The following NCOR2 variants were observed in gnomAD, a reference collection of about 807,000 sequenced individuals.
The protein encoded by NCOR2 is CTG repeat protein 26.
A neutral mutation model predicts 262.9 loss-of-function variants in NCOR2; 81 were observed. That is an observed-to-expected ratio of 0.31 (90% CI 0.26 to 0.37). The LOEUF (loss-of-function observed/expected upper bound fraction) is 0.37. Among genes scored for constraint, NCOR2 ranks in the 10% least tolerant of loss-of-function variants. The probability of loss-of-function intolerance (pLI) is 1.00; values close to 1 mark genes in which losing one functional copy is unlikely to be tolerated. For synonymous variants in NCOR2, 1,659 were observed against 1,559.3 expected (o/e 1.06, Z -1.51); for missense variants, 3,385 against 3,621.4 (o/e 0.93, Z 1.68).
At chr12:124,388,977 T>C (rs1260066261) in intron 16 of NCOR2, 1 of 544,878 alleles carries the variant, frequency 1.8e-6, no homozygotes, top group Non-Finnish European at 2.3e-6. Context: ...TCCGCCTGCC[T>C]GTGGTGGCCC....
chr12:124,461,838 GCA>G (rs886188990), intron 5 of NCOR2, among the ~76,000 whole-genome samples: 2 of 152,200 alleles, frequency 1.3e-5, no homozygotes, highest in African/African-American at 4.8e-5. Context: ...TCACGCATGT[GCA>G]CACAGCACCC....
At chr12:124,344,398 C>T (rs1013927366) in intron 32 of NCOR2, among the ~76,000 whole-genome samples, 199 bp downstream of exon 34, 4 of 152,106 alleles carry the variant, frequency 2.6e-5, no homozygotes, top group Non-Finnish European at 5.9e-5. Context: ...TGAGACACCA[C>T]GGTGGTCTGG....
At position 124,344,560 on chromosome 12, in the gene NCOR2, C is replaced by T. The variant is rs371581969; in HGVS notation, c.4714+37G>A. On this transcript the variant is annotated intron_variant, in intron 32 of 46. Transcript: ENST00000405201. ...GGGAGGCACAGCTTCTCCAGACAGG[C>T]GCCCACCCCACTCACGCCCATGCAC... 7.0e-4 allele frequency: 992 copies of T among 1,413,400 alleles called. 1 individual carries two copies. The highest frequency in any genetic ancestry group is 3.1e-3 in the Middle Eastern group (12 of 3,858). 87.6% of individuals were successfully genotyped at this position (1,413,400 alleles called of 1,614,324 possible).
intron 13 of NCOR2, among the ~76,000 whole-genome samples, chr12:124,411,910 G>A (rs1371844309): frequency 1.3e-5 from 2 of 152,162 alleles, no homozygotes; most frequent in African/African-American, 2.4e-5. Flanking sequence ...GGCCTGTGGG[G>A]TCTCATGGGG....
intron 7 of NCOR2, among the ~76,000 whole-genome samples, chr12:124,444,766 C>A (rs548105847): frequency 2.0e-5 from 3 of 152,088 alleles, no homozygotes; most frequent in Non-Finnish European, 2.9e-5. Context: ...ACCTCCTGAT[C>A]ACTGAGCGCC....
At chr12:124,421,584 A>G (rs867912643) in intron 12 of NCOR2, among the ~76,000 whole-genome samples, 8 of 152,218 alleles carry the variant, frequency 5.3e-5, no homozygotes, top group Non-Finnish European at 1.2e-4. Flanking sequence ...GTCCTTTAAA[A>G]TAAGTGCCTC....
exon 47 of NCOR2, chr12:124,325,480 A>G: frequency 2.4e-6 from 3 of 1,255,824 alleles, no homozygotes; most frequent in South Asian, 1.9e-5. Context: ...GGTGGGGGCC[A>G]GCGAGGGGCC....
intron 3 of NCOR2, among the ~76,000 whole-genome samples, chr12:124,476,903 A>T (rs1392945395): frequency 1.5e-4 from 3 of 19,572 alleles, no homozygotes; most frequent in Admixed American, 1.1e-3. Flanking sequence ...CATCTTTATT[A>T]AAAAAAAAAA....
chr12:124,400,357 A>C, intron 15 of NCOR2, 144 bp downstream of exon 17: 645 of 938,842 alleles, frequency 6.9e-4, no homozygotes, highest in Non-Finnish European at 9.5e-4. Context: ...TCCAGTAGGT[A>C]GCGCTGGGAT....
chr12:124,490,413 G>GATGGATGGATGC, intron 1 of NCOR2, among the ~76,000 whole-genome samples: 1 of 50,308 alleles, frequency 2.0e-5, no homozygotes, highest in South Asian at 1.5e-3. Context: ...TTGCCAGATG[G>GATGGATGGATGC]ATGGATGGAT....
intron 19 of NCOR2, among the ~76,000 whole-genome samples, chr12:124,374,147 T>A (rs1219980126): frequency 1.3e-5 from 2 of 152,050 alleles, no homozygotes; most frequent in African/African-American, 4.8e-5. Context: ...ATCAGGGAAA[T>A]CAAACCCGGT....
chr12:124,364,078 C>T (rs2038824489), intron 20 of NCOR2, among the ~76,000 whole-genome samples: 1 of 152,180 alleles, frequency 6.6e-6, no homozygotes, highest in South Asian at 2.1e-4. Context: ...AGGGGCCAAG[C>T]CAGCCTCCCA....
chr12:124,386,196 G>A (rs1011209115), intron 16 of NCOR2, among the ~76,000 whole-genome samples: 1 of 152,156 alleles, frequency 6.6e-6, no homozygotes, highest in African/African-American at 2.4e-5. Flanking sequence ...CGAGGCCACT[G>A]CGCGGGAGTC....
intron 3 of NCOR2, among the ~76,000 whole-genome samples, chr12:124,475,006 C>T (rs2047026386): frequency 6.6e-6 from 1 of 152,150 alleles, no homozygotes; most frequent in Non-Finnish European, 1.5e-5. Flanking sequence ...CATCTTCTGT[C>T]CACTCCTGCC....
intron 1 of NCOR2, among the ~76,000 whole-genome samples, chr12:124,546,768 C>T (rs1005713336): frequency 1.3e-5 from 2 of 151,988 alleles, no homozygotes; most frequent in African/African-American, 2.4e-5. Context: ...GATCTTGCAC[C>T]GTCGCGTCCT....
At chr12:124,390,178 T>G (rs1465157203) in intron 16 of NCOR2, among the ~76,000 whole-genome samples, 2 of 152,090 alleles carry the variant, frequency 1.3e-5, no homozygotes, top group Non-Finnish European at 2.9e-5. Context: ...GAGGTCTCAG[T>G]GCACTTTTAA....
At chr12:124,425,891 T>G (rs1012361670) in intron 11 of NCOR2, among the ~76,000 whole-genome samples, 3 of 152,124 alleles carry the variant, frequency 2.0e-5, no homozygotes, top group Non-Finnish European at 4.4e-5. Context: ...TGGGCCTGGC[T>G]GAGCTGTCAT....
rs770416074 is a variant in NCOR2, at chr12:124,548,472, C to T, written c.-164-12861G>A. ...TACTGCAGTCGTCCAAGCCAGACGG[C>T]GACAGAGTGGGGGTCCATCATGGTG... is the stretch of plus-strand genomic sequence containing the variant. On this transcript the variant is annotated intron_variant, in intron 1 of 32. Coordinates refer to the NCOR2 transcript ENST00000458234. This position sits in a 1 kb window ranked among gnomAD's most constrained non-coding sequence, Gnocchi z 5.1. Among the ~76,000 whole-genome samples the T allele has an allele frequency of 1.3e-5, 2 of 152,078 alleles. No individual in the cohort carries two copies. The highest frequency in any genetic ancestry group is 2.9e-5 in the Non-Finnish European group (2 of 68,016).
intron 1 of NCOR2, chr12:124,514,649 C>A (rs2049606924): frequency 6.6e-6 from 1 of 152,036 alleles, no homozygotes; most frequent in Admixed American, 6.6e-5. Flanking sequence ...GAGTTCAAGA[C>A]CAGCCTGGCT....
Sources: allele counts gnomAD v4.1 joint callset (sites outside exome capture counted in the v4.1 genomes callset), GRCh38; gene constraint gnomAD v4.1.1; non-coding constraint Gnocchi (gnomAD v3.1); transcripts MANE v1.5; gene names NCBI Gene and HGNC (gene_info 2026-07-23, HGNC 2026-07-21).